The following STXBP6 variants were observed in gnomAD, a reference collection of about 807,000 sequenced individuals.
The protein encoded by STXBP6 is syntaxin binding protein 6, also known as syntaxin-binding protein 6.
A neutral mutation model predicts 26.9 loss-of-function variants in STXBP6; 21 were observed. The ratio of observed to expected loss-of-function variants is 0.78; its 90% confidence interval spans 0.55 to 1.12. STXBP6 has a LOEUF of 1.12. Among genes scored for constraint, STXBP6 ranks in the 50% most tolerant of loss-of-function variants. The pLI, the probability that STXBP6 is intolerant of heterozygous loss-of-function variation, is 0.00. For missense variants in STXBP6, 232 were observed against 257.9 expected (o/e 0.90, Z 0.69); for synonymous variants, 97 against 92.6 (o/e 1.05, Z -0.27).
intron 1 of STXBP6, among the ~76,000 whole-genome samples, chr14:25,020,240 A>C (rs1223857763): frequency 6.6e-6 from 1 of 152,206 alleles, no homozygotes; most frequent in Non-Finnish European, 1.5e-5. Flanking sequence ...GCAACTAAAA[A>C]TTCTAGGAAC....
chr14:24,861,090 A>G (rs2069522839), intron 2 of STXBP6, among the ~76,000 whole-genome samples: 1 of 152,186 alleles, frequency 6.6e-6, no homozygotes, highest in South Asian at 2.1e-4. Flanking sequence ...CTAAATAGCT[A>G]TAGTTTGATG....
chr14:24,850,100 C>A (rs914966612), intron 4 of STXBP6, among the ~76,000 whole-genome samples: 3 of 152,028 alleles, frequency 2.0e-5, no homozygotes, highest in Non-Finnish European at 2.9e-5. Context: ...AATGACCACA[C>A]CAATCACTTT....
At chr14:24,841,182 A>AT (rs1165233383) in intron 4 of STXBP6, among the ~76,000 whole-genome samples, 1 of 152,144 alleles carries the variant, frequency 6.6e-6, no homozygotes, top group African/African-American at 2.4e-5. Context: ...TTTTCTGAAT[A>AT]TATCTTTGTA....
chr14:25,032,925 G>T (rs1292011994), intron 1 of STXBP6, among the ~76,000 whole-genome samples: 1 of 152,062 alleles, frequency 6.6e-6, no homozygotes, highest in Non-Finnish European at 1.5e-5. Context: ...AATGCATTGG[G>T]GGTTGTACTA....
intron 4 of STXBP6, among the ~76,000 whole-genome samples, chr14:24,844,887 T>A (rs1241649): frequency 0.13 from 20,183 of 152,118 alleles, 1,570 homozygotes; most frequent in East Asian, 0.37. Context: ...TCTCAAGAGG[T>A]ACACCACCAA....
At chr14:25,023,012 G>T (rs78775637) in intron 1 of STXBP6, among the ~76,000 whole-genome samples, 12,491 of 152,170 alleles carry the variant, frequency 0.082, 612 homozygotes, top group Non-Finnish European at 0.12. Flanking sequence ...ATAAAACATG[G>T]TCCTAACCTG....
chr14:24,906,683 T>C (rs376228755), intron 2 of STXBP6, among the ~76,000 whole-genome samples: 1 of 152,216 alleles, frequency 6.6e-6, no homozygotes, highest in Non-Finnish European at 1.5e-5. Flanking sequence ...AATTGCAAGT[T>C]GTCCATATCA....
rs947729854 is a variant in STXBP6 at position 25,015,917 on chromosome 14, T to C, written c.-33+33961A>G. 1.3e-4 allele frequency among the ~76,000 whole-genome samples: 20 copies of C among 152,320 alleles called. No individual in the cohort carries two copies. In the East Asian group the frequency reaches 3.7e-3, roughly 28 times the overall value. On this transcript the variant is annotated intron_variant, in intron 1 of 5. Transcript: ENST00000323944. ...CTCAACATATGGCAGTGTCACCTTG[T>C]AGCTAAGAGTGTGAACTTTGAACCA... is the stretch of plus-strand genomic sequence containing the variant.
chr14:24,962,355 A>T (rs1444330305), intron 2 of STXBP6, among the ~76,000 whole-genome samples: 1 of 150,164 alleles, frequency 6.7e-6, no homozygotes, highest in Non-Finnish European at 1.5e-5. Flanking sequence ...TTTGAGACAG[A>T]GTCTCACTCT....
chr14:24,886,246 A>T (rs2070582065), intron 2 of STXBP6, among the ~76,000 whole-genome samples: 2 of 152,200 alleles, frequency 1.3e-5, no homozygotes, highest in African/African-American at 2.4e-5. Flanking sequence ...AATTTTTGAA[A>T]TATTACATAG....
At chr14:25,048,991 G>A (rs536192209) in intron 1 of STXBP6, 1 of 208,316 alleles carries the variant, frequency 4.8e-6, no homozygotes, top group Non-Finnish European at 8.4e-6. Context: ...AGTCCCTAGG[G>A]AAGCGTAATA....
chr14:24,978,775 T>C (rs534452617), intron 1 of STXBP6, among the ~76,000 whole-genome samples: 1 of 152,220 alleles, frequency 6.6e-6, no homozygotes, highest in Non-Finnish European at 1.5e-5. Flanking sequence ...TTCTTGTTAA[T>C]GCATGGCTAC....
intron 1 of STXBP6, among the ~76,000 whole-genome samples, chr14:25,036,817 C>T (rs1449983201): frequency 7.5e-6 from 1 of 132,508 alleles, no homozygotes; most frequent in Non-Finnish European, 1.5e-5. Context: ...GATGGCGCCA[C>T]AGCACTCCAG....
intron 1 of STXBP6, among the ~76,000 whole-genome samples, chr14:25,017,772 G>C (rs1341208217): frequency 1.3e-5 from 2 of 152,220 alleles, no homozygotes; most frequent in Middle Eastern, 3.2e-3. Flanking sequence ...CTGGAGCCCT[G>C]AGGACTTACT....
intron 2 of STXBP6, among the ~76,000 whole-genome samples, chr14:24,969,304 A>AT (rs1218787179): frequency 1.3e-5 from 2 of 152,196 alleles, no homozygotes; most frequent in African/African-American, 4.8e-5. Context: ...CCAAGGGAAG[A>AT]TTTTCACCCA....
intron 1 of STXBP6, among the ~76,000 whole-genome samples, chr14:25,034,935 G>A (rs1045206917): frequency 2.6e-5 from 4 of 152,076 alleles, no homozygotes; most frequent in Non-Finnish European, 2.9e-5. Flanking sequence ...CAGATCACCC[G>A]AAGTCAGGAG....
chr14:24,879,985 G>A (rs968895091), intron 2 of STXBP6, among the ~76,000 whole-genome samples: 8 of 152,228 alleles, frequency 5.3e-5, no homozygotes, highest in African/African-American at 1.7e-4. Context: ...ACTCCCTTTC[G>A]TCATCTATTA....
intron 1 of STXBP6, among the ~76,000 whole-genome samples, chr14:25,034,918 A>AG (rs947856227): frequency 1.3e-5 from 2 of 152,248 alleles, no homozygotes; most frequent in African/African-American, 2.4e-5. Context: ...TGGGAGGCCA[A>AG]GGGGGGCAGA....
chr14:24,858,286 A>C (rs1271230676), intron 2 of STXBP6, among the ~76,000 whole-genome samples: 2 of 152,070 alleles, frequency 1.3e-5, no homozygotes, highest in Non-Finnish European at 2.9e-5. Context: ...TTGCAGTTTC[A>C]TTGTCGGGGG....
Sources: allele counts gnomAD v4.1 joint callset (sites outside exome capture counted in the v4.1 genomes callset), GRCh38; gene constraint gnomAD v4.1.1; transcripts MANE v1.5; gene names NCBI Gene and HGNC (gene_info 2026-07-23, HGNC 2026-07-21).